The following RPS6KC1 variants were observed in gnomAD, a reference collection of about 807,000 sequenced individuals.
RPS6KC1 encodes inactive ribosomal protein S6 kinase delta-1.
Under a neutral mutation model 103.8 loss-of-function variants are expected in RPS6KC1, and 54 were observed. The ratio of observed to expected loss-of-function variants is 0.52; its 90% confidence interval spans 0.42 to 0.65. RPS6KC1 has a LOEUF of 0.65. Among genes scored for constraint, RPS6KC1 ranks in the 30% least tolerant of loss-of-function variants. The pLI is 0.00. For synonymous variants in RPS6KC1, 439 were observed against 438.7 expected, an observed-to-expected ratio of 1.00 and a Z score of -0.01; for missense variants, 1,151 against 1,253.8, an observed-to-expected ratio of 0.92 and a Z score of 1.24.
intron 8 of RPS6KC1, among the ~76,000 whole-genome samples, chr1:213,199,033 A>C (rs1276220935): frequency 1.3e-5 from 2 of 152,262 alleles, no homozygotes; most frequent in Non-Finnish European, 2.9e-5. Context: ...GCCCAGGACC[A>C]GATGGATTCA....
At chr1:213,280,008 C>T in the RPS6KC1 span, among the ~76,000 whole-genome samples, 2 of 152,250 alleles carry the variant, frequency 1.3e-5, no homozygotes, top group South Asian at 2.1e-4. Context: ...TTCAGGTTAT[C>T]GCCTCTGCCT....
the RPS6KC1 span, among the ~76,000 whole-genome samples, chr1:213,319,975 A>G: frequency 6.6e-6 from 1 of 152,202 alleles, no homozygotes; most frequent in Non-Finnish European, 1.5e-5. Flanking sequence ...GAGTCATTAA[A>G]TAGACAGAAA....
At chr1:213,463,852 C>A in the RPS6KC1 span, among the ~76,000 whole-genome samples, 8 of 152,138 alleles carry the variant, frequency 5.3e-5, no homozygotes, top group Non-Finnish European at 1.2e-4. Flanking sequence ...AGGTAATAGG[C>A]TAGCTAGATT....
the RPS6KC1 span, among the ~76,000 whole-genome samples, chr1:213,639,332 C>T: frequency 0.14 from 21,370 of 151,916 alleles, 2,374 homozygotes; most frequent in African/African-American, 0.31. Flanking sequence ...GCCTTTTATT[C>T]CTTTTACTTG....
the RPS6KC1 span, among the ~76,000 whole-genome samples, chr1:213,381,447 G>T: frequency 6.6e-6 from 1 of 151,990 alleles, no homozygotes; most frequent in Non-Finnish European, 1.5e-5. Flanking sequence ...TGATTTAGGG[G>T]TGTTGCGTGC....
the RPS6KC1 span, among the ~76,000 whole-genome samples, chr1:213,456,567 C>T: frequency 6.6e-6 from 1 of 152,150 alleles, no homozygotes; most frequent in Non-Finnish European, 1.5e-5. Context: ...ATGAAGGTCC[C>T]AGTAAGGCTC....
At chr1:213,674,230 A>C in the RPS6KC1 span, among the ~76,000 whole-genome samples, 1 of 152,070 alleles carries the variant, frequency 6.6e-6, no homozygotes, top group African/African-American at 2.4e-5. Flanking sequence ...TGTTGGCCAG[A>C]CTGGTCTTGA....
the RPS6KC1 span, among the ~76,000 whole-genome samples, chr1:213,573,697 A>G: frequency 6.6e-6 from 1 of 152,252 alleles, no homozygotes; most frequent in Middle Eastern, 3.2e-3. Context: ...ATCAGAAATG[A>G]TATCAAGAAG....
At chr1:213,354,830 G>A in the RPS6KC1 span, among the ~76,000 whole-genome samples, 2 of 152,220 alleles carry the variant, frequency 1.3e-5, no homozygotes, top group South Asian at 4.1e-4. Flanking sequence ...CCTCTTAAAG[G>A]CTCCACTTCT....
At chr1:213,796,273 C>T in the RPS6KC1 span, among the ~76,000 whole-genome samples, 2 of 152,198 alleles carry the variant, frequency 1.3e-5, no homozygotes, top group African/African-American at 4.8e-5. Context: ...TACGGTGACT[C>T]GCTAACTTTC....
chr1:213,440,227 C>T, the RPS6KC1 span, among the ~76,000 whole-genome samples: 6 of 152,110 alleles, frequency 3.9e-5, no homozygotes, highest in Non-Finnish European at 7.4e-5. Context: ...CCGCAGCTGG[C>T]AAAAGCACTA....
At chr1:213,703,076 G>C in the RPS6KC1 span, among the ~76,000 whole-genome samples, 1 of 151,894 alleles carries the variant, frequency 6.6e-6, no homozygotes, top group African/African-American at 2.4e-5. Flanking sequence ...TTAGTTTCTT[G>C]CTTTTTATCT....
chr1:213,222,562 A>G (rs1226869260), intron 8 of RPS6KC1, among the ~76,000 whole-genome samples: 1 of 152,188 alleles, frequency 6.6e-6, no homozygotes, highest in African/African-American at 2.4e-5. Flanking sequence ...GGGCAATGGT[A>G]CAGGGAACAT....
chr1:213,655,342 C>T, the RPS6KC1 span, among the ~76,000 whole-genome samples: 1 of 152,218 alleles, frequency 6.6e-6, no homozygotes, highest in East Asian at 1.9e-4. Flanking sequence ...CATTCCCAGC[C>T]TATGGTATAT....
At chr1:213,311,291 A>G in the RPS6KC1 span, among the ~76,000 whole-genome samples, 1 of 151,866 alleles carries the variant, frequency 6.6e-6, no homozygotes, top group Non-Finnish European at 1.5e-5. Flanking sequence ...GGTGCCCGCC[A>G]CCACACCCGG....
intron 12 of RPS6KC1, among the ~76,000 whole-genome samples, chr1:213,260,666 A>G (rs1163086284): frequency 2.0e-5 from 3 of 150,336 alleles, no homozygotes; most frequent in East Asian, 1.9e-4. Flanking sequence ...TTTTCAGTCA[A>G]TTGGAAATGA....
chr1:213,117,481 C>G, intron 5 of RPS6KC1, 71 bp downstream of exon 5: 1 of 829,262 alleles, frequency 1.2e-6, no homozygotes, highest in East Asian at 2.5e-5. Context: ...ATCTGCATTG[C>G]AAAAAGACAG....
chr1:213,126,647 A>G (rs1413342861), intron 5 of RPS6KC1, among the ~76,000 whole-genome samples: 2 of 152,156 alleles, frequency 1.3e-5, no homozygotes, highest in Non-Finnish European at 2.9e-5. Flanking sequence ...TGGCCTGAAA[A>G]CTAAGAATGG....
the RPS6KC1 span, among the ~76,000 whole-genome samples, chr1:213,356,177 C>T: frequency 1.3e-5 from 2 of 152,010 alleles, no homozygotes; most frequent in Non-Finnish European, 2.9e-5. Context: ...ACAATGAGGG[C>T]GATGTGTGGT....
Sources: gnomAD v4.1 joint callset for allele counts (sites outside exome capture counted in the v4.1 genomes callset) on GRCh38, gnomAD v4.1.1 for gene constraint, MANE v1.5 for transcripts, NCBI Gene and HGNC (gene_info 2026-07-23, HGNC 2026-07-21) for gene names.